VAC14: variants seen among roughly 807,000 people sequenced by gnomAD.
VAC14 encodes protein VAC14 homolog.
Under a neutral mutation model 85.3 loss-of-function variants are expected in VAC14, and 47 were observed. The ratio of observed to expected loss-of-function variants is 0.55; its 90% CI spans 0.44 to 0.70. The LOEUF is 0.70. Ranked by LOEUF, VAC14 falls within the 30% of genes least tolerant of loss-of-function variation. The pLI, the probability that VAC14 is intolerant of heterozygous loss-of-function variation, is 0.00. For missense variants in VAC14, 861 were observed against 1,004.3 expected, an observed-to-expected ratio of 0.86 and a Z score of 1.93; for synonymous variants, 447 against 430.5, an observed-to-expected ratio of 1.04 and a Z score of -0.47.
In VAC14 at chr16:70,801,132, C is replaced by G; in HGVS notation, c.-232G>C. ...TCCCGCCCGGCACTAGCGGGACTCA[C>G]GAGACAGCGGCCATGTTACTCGAGT... On this transcript the variant is annotated 5_prime_UTR_variant, in exon 1 of 19. Coordinates refer to ENST00000261776, the MANE Select transcript of VAC14 (RefSeq NM_018052.5). 2 of 425,160 alleles carry G rather than the reference C, an allele frequency of 4.7e-6. No homozygotes were observed. Among genetic ancestry groups the G allele is most frequent in the Admixed American group, 4.5e-5 (1 of 22,056 alleles). The allele number at this position is 425,160 out of a possible 1,614,324, so 26.3% of individuals were successfully genotyped here.
intron 15 of VAC14, 105 bp from the exon 16 acceptor site, chr16:70,697,362 C>T: frequency 1.1e-6 from 1 of 892,586 alleles, no homozygotes; most frequent in Non-Finnish European, 1.7e-6. Flanking sequence ...TCCCAGGGGC[C>T]TTCAGTCGGG....
intron 1 of VAC14, among the ~76,000 whole-genome samples, chr16:70,796,797 C>T (rs1182712470): frequency 2.0e-5 from 3 of 152,228 alleles, no homozygotes; most frequent in Non-Finnish European, 4.4e-5. Context: ...AACAGTCCCC[C>T]AACCCCCAGA....
Position 70,791,966 on chromosome 16 carries a change from G to T in VAC14, c.105-5601C>A, listed in dbSNP as rs542855503. Among the ~76,000 whole-genome samples the T allele has an allele frequency of 3.3e-5, 5 of 152,270 alleles. No individual in the cohort carries two copies. In the South Asian group the frequency reaches 1.0e-3, roughly 32 times the overall value. Reference sequence around the variant, plus strand: ...CTCACCCTCTACTCTTATAGTCCAGGTTAGCAGGAGCAAAGGGCACCATTA... The same window carrying T: ...CTCACCCTCTACTCTTATAGTCCAGTTTAGCAGGAGCAAAGGGCACCATTA... On this transcript the variant is annotated intron_variant, in intron 1 of 18. Coordinates refer to ENST00000261776, the MANE Select transcript of VAC14 (RefSeq NM_018052.5).
intron 1 of VAC14, 38 bp downstream of exon 1, chr16:70,800,759 G>T (rs1596985245): frequency 6.4e-7 from 1 of 1,569,656 alleles, no homozygotes. Flanking sequence ...GAGCAGTCAG[G>T]GGCTGCATAG....
intron 9 of VAC14, among the ~76,000 whole-genome samples, chr16:70,773,590 T>G (rs1162869472): frequency 6.6e-6 from 1 of 152,062 alleles, no homozygotes; most frequent in Non-Finnish European, 1.5e-5. Context: ...CTGCAGTGCT[T>G]GGGGTGGGAG....
chr16:70,761,361 G>C (rs1220210867), intron 12 of VAC14: 2 of 249,270 alleles, frequency 8.0e-6, no homozygotes, highest in Non-Finnish European at 1.6e-5. Context: ...TGGAGATACA[G>C]CTCTGCCTAC....
chr16:70,689,075 G>T (rs536645555), intron 18 of VAC14: 12 of 985,438 alleles, frequency 1.2e-5, no homozygotes, highest in African/African-American at 7.0e-5. Flanking sequence ...GGCCGGGAAG[G>T]GGGGTGCAGG....
chr16:70,768,568 G>C, intron 10 of VAC14: 1 of 302,872 alleles, frequency 3.3e-6, no homozygotes, highest in South Asian at 2.5e-5. Flanking sequence ...TGCTTTTCCA[G>C]GTGGCATTCT....
intron 12 of VAC14, chr16:70,755,934 C>G (rs2031808220): frequency 2.2e-6 from 1 of 447,968 alleles, no homozygotes; most frequent in Admixed American, 2.4e-5. Flanking sequence ...CCTCACAGCA[C>G]AGCTCGGGGG....
intron 14 of VAC14, 31 bp downstream of exon 14, chr16:70,731,464 G>A (rs1408308256): frequency 6.2e-7 from 1 of 1,601,900 alleles, no homozygotes; most frequent in Non-Finnish European, 8.5e-7. Flanking sequence ...GCCGTGGGAG[G>A]AAGAGGAGAA....
intron 14 of VAC14, among the ~76,000 whole-genome samples, chr16:70,704,813 G>C (rs1403813720): frequency 6.6e-6 from 1 of 152,222 alleles, no homozygotes; most frequent in African/African-American, 2.4e-5. Flanking sequence ...GTGAGGCCCA[G>C]GAGGGCAAAG....
intron 13 of VAC14, among the ~76,000 whole-genome samples, chr16:70,740,409 T>C (rs1211269743): frequency 2.0e-5 from 3 of 152,086 alleles, no homozygotes; most frequent in African/African-American, 7.2e-5. Flanking sequence ...TAAAGGCTGA[T>C]TGGGTCTCCC....
chr16:70,733,897 C>T (rs1244551837), intron 13 of VAC14, among the ~76,000 whole-genome samples: 2 of 152,166 alleles, frequency 1.3e-5, no homozygotes, highest in Non-Finnish European at 2.9e-5. Flanking sequence ...ACGGTCTTGG[C>T]TCACTGCAAC....
chr16:70,720,252 G>A (rs2054257201), intron 14 of VAC14, among the ~76,000 whole-genome samples: 1 of 152,182 alleles, frequency 6.6e-6, no homozygotes, highest in Non-Finnish European at 1.5e-5. Flanking sequence ...TTGATCAGAG[G>A]GCTCATTCCC....
At chr16:70,727,540 A>G (rs909329011) in intron 14 of VAC14, among the ~76,000 whole-genome samples, 5 of 152,154 alleles carry the variant, frequency 3.3e-5, no homozygotes, top group Non-Finnish European at 7.3e-5. Flanking sequence ...GGGTTTCGCT[A>G]TGTTGGCCAG....
chr16:70,766,057 C>G (rs1260058877), intron 10 of VAC14, among the ~76,000 whole-genome samples: 1 of 151,748 alleles, frequency 6.6e-6, no homozygotes, highest in Non-Finnish European at 1.5e-5. Context: ...TATAAGATCC[C>G]AGCTGCTGCC....
chr16:70,702,883 C>A (rs1269311106), intron 14 of VAC14, among the ~76,000 whole-genome samples: 2 of 152,220 alleles, frequency 1.3e-5, no homozygotes, highest in African/African-American at 4.8e-5. Context: ...TAGCTCCACT[C>A]GCAGTGTCAT....
intron 12 of VAC14, among the ~76,000 whole-genome samples, chr16:70,757,480 A>G (rs1192640652): frequency 6.6e-6 from 1 of 152,038 alleles, no homozygotes; most frequent in Non-Finnish European, 1.5e-5. Context: ...GAGGCTGGAG[A>G]AGGGAAGACG....
At chr16:70,689,859 C>A in intron 18 of VAC14, 1 of 985,526 alleles carries the variant, frequency 1.0e-6, no homozygotes, top group Non-Finnish European at 1.2e-6. Context: ...TCCAAGAGAG[C>A]AGCTTGGACT....
Sources: gnomAD v4.1 joint callset for allele counts (sites outside exome capture counted in the v4.1 genomes callset) on GRCh38, gnomAD v4.1.1 for gene constraint, MANE v1.5 for transcripts, NCBI Gene and HGNC (gene_info 2026-07-23, HGNC 2026-07-21) for gene names.